Variants in KMT2A observed in about 807,000 individuals in gnomAD.
KMT2A encodes histone-lysine N-methyltransferase 2A.
Under a neutral mutation model 345.3 loss-of-function variants are expected in KMT2A, and 16 were observed. The ratio of observed to expected loss-of-function variants is 0.05; its 90% confidence interval spans 0.03 to 0.07. The LOEUF is 0.07. Among genes scored for constraint, KMT2A ranks in the 10% least tolerant of loss-of-function variants. KMT2A has a pLI of 1.00. For synonymous variants in KMT2A, 1,599 were observed against 1,778.6 expected, an observed-to-expected ratio of 0.90 and a Z score of 2.54; for missense variants, 3,272 against 4,841.6, an observed-to-expected ratio of 0.68 and a Z score of 9.62.
In KMT2A at chr11:118,505,886, G is replaced by C; in HGVS notation, c.9994G>C (p.Gly3332Arg). 2 of 1,614,164 alleles carry C rather than the reference G, an allele frequency of 1.2e-6. No homozygotes were observed. The highest frequency in any genetic ancestry group is 1.7e-6 in the Non-Finnish European group (2 of 1,180,028). ...ISQDTSHLTS[G>R]SVSGLASSSS... ...CCAGGATACTAGCCACCTCACATCA[G>C]GGTCTGTGTCTGGCTTGGCATCCAG... The change falls in exon 27 of 36, where the codon GGG becomes CGG. Residue 3332 changes from glycine (G) to arginine (R), a missense_variant. Gly to Arg is a moderately radical substitution (Grantham distance 125). Around this residue, in one of 27 missense-constraint regions of KMT2A, gnomAD observed 748 missense variants for 922.2 expected, o/e 0.81. Transcript: ENST00000534358. This position sits in a 1 kb window ranked among gnomAD's most constrained non-coding sequence, Gnocchi z 4.6.
chr11:118,442,717 T>G (rs1284220640), intron 1 of KMT2A, among the ~76,000 whole-genome samples: 2 of 152,218 alleles, frequency 1.3e-5, no homozygotes, highest in Non-Finnish European at 2.9e-5. Flanking sequence ...CCTTGTAGGC[T>G]CCACTATTTC....
In KMT2A at chr11:118,506,720, A is replaced by G. The variant is rs1950590942; in HGVS notation, c.10754+74A>G. 3 of 1,410,928 alleles carry G rather than the reference A, an allele frequency of 2.1e-6. No individual in the cohort carries two copies. In the African/African-American group the frequency reaches 4.3e-5, roughly 20 times the overall value. 87.4% of individuals were successfully genotyped at this position (1,410,928 alleles called of 1,614,324 possible). ...GTAAATTAGGGGCTGTTGATGTGGT[A>G]GTCCGGGAGAGACACTCTTCTGTTC... On this transcript the variant is annotated intron_variant, in intron 27 of 35. Transcript: ENST00000534358.
intron 8 of KMT2A, among the ~76,000 whole-genome samples, chr11:118,483,232 CAA>C (rs35780241): frequency 6.7e-4 from 78 of 115,796 alleles, no homozygotes; most frequent in Non-Finnish European, 8.3e-4. Flanking sequence ...GACTCCATCC[CAA>C]AAAAAAAAAA....
At chr11:118,468,541 A>T (rs1436346638) in intron 1 of KMT2A, among the ~76,000 whole-genome samples, 3 of 152,162 alleles carry the variant, frequency 2.0e-5, no homozygotes, top group Non-Finnish European at 4.4e-5. Flanking sequence ...CAAAGATGAC[A>T]TTTCAATGCA....
intron 11 of KMT2A, among the ~76,000 whole-genome samples, chr11:118,489,582 C>T (rs1950291887): frequency 6.6e-6 from 1 of 152,114 alleles, no homozygotes; most frequent in African/African-American, 2.4e-5. Flanking sequence ...GTCAAATCTA[C>T]CTAATATGAA....
intron 1 of KMT2A, among the ~76,000 whole-genome samples, chr11:118,453,082 A>G (rs2134204727): frequency 6.6e-6 from 1 of 152,228 alleles, no homozygotes; most frequent in African/African-American, 2.4e-5. Flanking sequence ...CCATCACCAT[A>G]TAAAACTATC....
chr11:118,491,074 T>C lies in KMT2A; in HGVS notation c.4697-122T>C, dbSNP rs1428191578. 12 of 934,196 alleles carry C rather than the reference T, an allele frequency of 1.3e-5. No homozygotes were observed. The highest frequency in any genetic ancestry group is 1.9e-5 in the Non-Finnish European group (12 of 625,802). 57.9% of individuals were successfully genotyped at this position (934,196 alleles called of 1,614,324 possible). ...GTGTGAACATTCCACAGTAGATCCA[T>C]GCTGGTGTTCATGATCCCAGAAGAA... On this transcript the variant is annotated intron_variant, in intron 13 of 35. Transcript: ENST00000534358. This position sits in a 1 kb window ranked among gnomAD's most constrained non-coding sequence, Gnocchi z 4.2.
rs1555035913 is a variant in KMT2A, at chr11:118,472,497, A to C, written c.1338A>C (p.Thr446=). The C allele has an allele frequency of 6.2e-7, 1 of 1,613,588 alleles. No individual in the cohort carries two copies. Among genetic ancestry groups the C allele is most frequent in the African/African-American group, 1.3e-5 (1 of 74,818 alleles). Residue 446 remains threonine, a synonymous_variant, in exon 3 of 36, where the codon ACA becomes ACC. Coordinates refer to ENST00000534358, the MANE Select transcript of KMT2A (RefSeq NM_001197104.2). ...PPIKIARLES[T]PNSRFSAPSC... ...TTAAAATTGCCCGATTAGAGTCTAC[A>C]CCGAATAGTAGATTCAGTGCCCCGT...
chr11:118,455,926 C>A (rs1485739450), intron 1 of KMT2A, among the ~76,000 whole-genome samples: 10 of 152,046 alleles, frequency 6.6e-5, no homozygotes, highest in African/African-American at 2.4e-4. Context: ...CTGTCTCAAG[C>A]AAGCTGCCTG....
intron 10 of KMT2A, 36 bp downstream of exon 10, chr11:118,485,011 C>A (rs782686359): frequency 1.6e-6 from 2 of 1,256,198 alleles, no homozygotes; most frequent in Admixed American, 3.4e-5. Context: ...CCAGGAAGTA[C>A]ATAAATTATT....
chr11:118,456,618 A>G (rs1179526776), intron 1 of KMT2A, among the ~76,000 whole-genome samples: 1 of 152,264 alleles, frequency 6.6e-6, no homozygotes, highest in East Asian at 1.9e-4. Context: ...GATTACAGGC[A>G]TGAGCCGCCG....
intron 31 of KMT2A, among the ~76,000 whole-genome samples, chr11:118,514,545 A>T (rs1555051057): frequency 6.6e-6 from 1 of 151,034 alleles, no homozygotes; most frequent in African/African-American, 2.4e-5. Context: ...GGTTCAGGTG[A>T]TTCTCCTGCT....
At chr11:118,512,707 GT>G (rs1248958316) in intron 31 of KMT2A, among the ~76,000 whole-genome samples, 1 of 151,070 alleles carries the variant, frequency 6.6e-6, no homozygotes, top group Non-Finnish European at 1.5e-5. Flanking sequence ...GTACTGCCAG[GT>G]TTTTTTTCCA....
At chr11:118,469,219 T>C (rs1345924251) in intron 2 of KMT2A, among the ~76,000 whole-genome samples, 1 of 149,658 alleles carries the variant, frequency 6.7e-6, no homozygotes, top group East Asian at 2.0e-4. Context: ...TGGGAACTAC[T>C]TGGGGCATGG....
chr11:118,518,705 C>A (rs1950879902), intron 31 of KMT2A, among the ~76,000 whole-genome samples: 1 of 151,140 alleles, frequency 6.6e-6, no homozygotes, highest in Non-Finnish European at 1.5e-5. Context: ...ATTGCTTGAA[C>A]CCAGGAGGTG....
intron 10 of KMT2A, among the ~76,000 whole-genome samples, chr11:118,487,166 T>C (rs1213843561): frequency 6.6e-6 from 1 of 152,242 alleles, no homozygotes; most frequent in Non-Finnish European, 1.5e-5. Flanking sequence ...GGGTCTACTG[T>C]ATCCTCTTTT....
chr11:118,456,519 T>C (rs1555030917), intron 1 of KMT2A, among the ~76,000 whole-genome samples: 1 of 152,044 alleles, frequency 6.6e-6, no homozygotes, highest in African/African-American at 2.4e-5. Flanking sequence ...TTTGTGTTTT[T>C]AGTAGAGATG....
rs1950143099 is a variant in KMT2A at position 118,482,073 on chromosome 11, G to T, written c.3993G>T (p.Gln1331His). The change falls in exon 7 of 36, where the codon CAG becomes CAT. Residue 1331 changes from glutamine (Q) to histidine (H), a missense_variant. Around this residue, in one of 27 missense-constraint regions of KMT2A, gnomAD observed 168 missense variants for 216.0 expected, o/e 0.78. Coordinates refer to ENST00000534358, the MANE Select transcript of KMT2A (RefSeq NM_001197104.2). ...CTCCTAGTGAGCCCAAGAAAAAGCA[G>T]CCTCCACCACCAGAATCAGGTGAGT... ...KTTPSEPKKK[Q>H]PPPPESGPEQ... 6.2e-7 allele frequency: 1 copy of T among 1,609,118 alleles called. No individual in the cohort carries two copies. Among genetic ancestry groups the T allele is most frequent in the African/African-American group, 1.3e-5 (1 of 74,554 alleles).
chr11:118,447,622 T>C (rs1555027529), intron 1 of KMT2A: 1 of 451,882 alleles, frequency 2.2e-6, no homozygotes, highest in Non-Finnish European at 4.4e-6. Context: ...TTTCCATTTC[T>C]AGGTTCCTCA....
Sources: gnomAD v4.1 joint callset for allele counts (sites outside exome capture counted in the v4.1 genomes callset) on GRCh38, gnomAD v4.1.1 for gene constraint, gnomAD v4.1.1 regional missense constraint, Gnocchi (gnomAD v3.1) non-coding constraint, MANE v1.5 for transcripts, NCBI Gene and HGNC (gene_info 2026-07-23, HGNC 2026-07-21) for gene names.